Variants in SPATA1 observed in about 807,000 individuals in gnomAD.
The protein encoded by SPATA1 is spermatogenesis-associated protein 1.
A neutral mutation model predicts 59.6 loss-of-function variants in SPATA1; 57 were observed. The observed-to-expected ratio is 0.96, with a 90% CI of 0.77 to 1.19. The LOEUF (loss-of-function observed/expected upper bound fraction) is 1.19. Ranked by LOEUF, SPATA1 falls within the 50% of genes most tolerant of loss-of-function variation. The pLI is 0.00. For missense variants in SPATA1, 448 were observed against 480.7 expected (o/e 0.93, Z 0.64); for synonymous variants, 147 against 163.9 (o/e 0.90, Z 0.79).
intron 1 of SPATA1, among the ~76,000 whole-genome samples, chr1:84,513,842 A>T (rs1470709652): frequency 1.2e-3 from 147 of 124,956 alleles, no homozygotes; most frequent in African/African-American, 2.1e-3. Context: ...TCTATATTCT[A>T]TTTTTTTTTT....
intron 1 of SPATA1, among the ~76,000 whole-genome samples, chr1:84,509,530 G>A (rs988867776): frequency 5.9e-5 from 9 of 152,210 alleles, no homozygotes; most frequent in Non-Finnish European, 7.3e-5. Flanking sequence ...TTGGGAGGCC[G>A]AGGCAGGTGG....
intron 4 of SPATA1, chr1:84,563,759 A>T (rs1158317046): frequency 1.2e-6 from 2 of 1,605,304 alleles, no homozygotes; most frequent in Non-Finnish European, 1.7e-6. Context: ...GGCAGGTATA[A>T]TCATAACCAT....
intron 6 of SPATA1, among the ~76,000 whole-genome samples, chr1:84,526,496 A>C (rs1469561630): frequency 6.6e-6 from 1 of 152,202 alleles, no homozygotes; most frequent in Non-Finnish European, 1.5e-5. Context: ...TGGGGAACAT[A>C]CGTATTTCAG....
exon 4 of SPATA1, chr1:84,522,433 G>A (rs759770562): frequency 7.2e-6 from 11 of 1,528,306 alleles, no homozygotes; most frequent in Non-Finnish European, 9.7e-6. Context: ...GGAGCGTCTT[G>A]GTGAGTTCCT....
downstream of SPATA1, among the ~76,000 whole-genome samples, chr1:84,557,081 A>C (rs1325355266): frequency 6.6e-6 from 1 of 152,060 alleles, no homozygotes; most frequent in Non-Finnish European, 1.5e-5. Flanking sequence ...GGCAAAAACT[A>C]AGCACATGTA....
intron 8 of SPATA1, among the ~76,000 whole-genome samples, chr1:84,541,955 T>G (rs56335092): frequency 0.023 from 3,509 of 151,864 alleles, 63 homozygotes; most frequent in Admixed American, 0.048. Flanking sequence ...TTGTTTGTTT[T>G]TTTGTTGTTG....
At chr1:84,514,019 A>G (rs1292707315) in intron 1 of SPATA1, among the ~76,000 whole-genome samples, 1 of 151,372 alleles carries the variant, frequency 6.6e-6, no homozygotes, top group African/African-American at 2.4e-5. Context: ...TTTTTTTTGT[A>G]TTTTTAATAG....
intron 1 of SPATA1, among the ~76,000 whole-genome samples, chr1:84,515,610 T>A (rs1682762101): frequency 6.6e-6 from 1 of 152,104 alleles, no homozygotes; most frequent in Non-Finnish European, 1.5e-5. Flanking sequence ...GCTACCTTAT[T>A]TTTTAGTTTT....
intron 12 of SPATA1, chr1:84,551,064 C>T: frequency 1.0e-6 from 1 of 985,212 alleles, no homozygotes; most frequent in Non-Finnish European, 1.2e-6. Context: ...TTAGTAGAGG[C>T]TTCTGGGCAT....
intron 6 of SPATA1, among the ~76,000 whole-genome samples, chr1:84,532,425 G>A (rs1006061137): frequency 6.6e-6 from 1 of 152,146 alleles, no homozygotes; most frequent in Non-Finnish European, 1.5e-5. Flanking sequence ...GAACCTGGGA[G>A]GCAGAGGCTA....
chr1:84,507,422 G>A (rs1682316495), intron 1 of SPATA1: 1 of 152,146 alleles, frequency 6.6e-6, no homozygotes, highest in African/African-American at 2.4e-5. Flanking sequence ...TTGAATTCTG[G>A]CTCTGCTACT....
intron 6 of SPATA1, among the ~76,000 whole-genome samples, chr1:84,527,024 T>G (rs1189842746): frequency 6.6e-6 from 1 of 152,116 alleles, no homozygotes; most frequent in Non-Finnish European, 1.5e-5. Context: ...TCACTGAGCA[T>G]CTAACGGGTG....
At chr1:84,523,258 G>C (rs1683096859) in intron 4 of SPATA1, among the ~76,000 whole-genome samples, 1 of 152,020 alleles carries the variant, frequency 6.6e-6, no homozygotes, top group Non-Finnish European at 1.5e-5. Context: ...ATGACTTAGT[G>C]GGCAGGATAC....
chr1:84,537,545 G>A (rs1028543786), intron 8 of SPATA1, among the ~76,000 whole-genome samples: 1 of 152,172 alleles, frequency 6.6e-6, no homozygotes, highest in African/African-American at 2.4e-5. Context: ...GAGTGAAGGG[G>A]AGGCCAGGTA....
At chr1:84,535,828 C>A (rs1394557799) in intron 8 of SPATA1, among the ~76,000 whole-genome samples, 1 of 151,768 alleles carries the variant, frequency 6.6e-6, no homozygotes, top group African/African-American at 2.4e-5. Flanking sequence ...TTTTTTCCTC[C>A]AGCTTCCTGA....
intron 6 of SPATA1, chr1:84,527,509 G>A (rs1045719750): frequency 6.6e-6 from 1 of 151,828 alleles, no homozygotes; most frequent in African/African-American, 2.4e-5. Context: ...GAATTCTGAT[G>A]TATATTCTTC....
intron 4 of SPATA1, chr1:84,563,385 G>C (rs138752249): frequency 2.5e-6 from 4 of 1,574,620 alleles, no homozygotes; most frequent in East Asian, 2.3e-5. Context: ...GGAGCCCCCC[G>C]GAAAGGGACT....
chr1:84,530,128 C>T (rs1558590681), intron 6 of SPATA1, among the ~76,000 whole-genome samples: 1 of 152,174 alleles, frequency 6.6e-6, no homozygotes, highest in Admixed American at 6.5e-5. Context: ...AGTCCACCCA[C>T]CTCGGCCTCC....
intron 1 of SPATA1, among the ~76,000 whole-genome samples, chr1:84,515,841 A>G (rs1682773911): frequency 6.6e-6 from 1 of 152,190 alleles, no homozygotes; most frequent in Non-Finnish European, 1.5e-5. Flanking sequence ...TAGCCATTTT[A>G]ACTAGCCAAG....
Sources: allele counts gnomAD v4.1 joint callset (sites outside exome capture counted in the v4.1 genomes callset), GRCh38; gene constraint gnomAD v4.1.1; transcripts MANE v1.5; gene names NCBI Gene and HGNC (gene_info 2026-07-23, HGNC 2026-07-21).